CAMK4: variants seen among roughly 807,000 people sequenced by gnomAD.
CAMK4 encodes the protein calcium/calmodulin-dependent protein kinase type IV.
Under a neutral mutation model 44.9 loss-of-function variants are expected in CAMK4, and 22 were observed. The observed-to-expected ratio is 0.49, with a 90% CI of 0.35 to 0.70. The LOEUF (loss-of-function observed/expected upper bound fraction) is 0.70. Among genes scored for constraint, CAMK4 ranks in the 30% least tolerant of loss-of-function variants. The probability of loss-of-function intolerance (pLI) is 0.01; values close to 1 mark genes in which losing one functional copy is unlikely to be tolerated. For missense variants in CAMK4, 498 were observed against 586.8 expected, an observed-to-expected ratio of 0.85 and a Z score of 1.56; for synonymous variants, 218 against 215.4, an observed-to-expected ratio of 1.01 and a Z score of -0.11.
intron 1 of CAMK4, among the ~76,000 whole-genome samples, chr5:111,236,525 T>C (rs369145457): frequency 1.1e-4 from 17 of 152,362 alleles, no homozygotes; most frequent in African/African-American, 3.6e-4. Context: ...ATTCAAGCCC[T>C]GGTTTGTCAG....
intron 4 of CAMK4, among the ~76,000 whole-genome samples, chr5:111,381,361 A>G (rs1181580515): frequency 6.6e-6 from 1 of 152,154 alleles, no homozygotes; most frequent in African/African-American, 2.4e-5. Flanking sequence ...TCAAACCTCA[A>G]AAGTAGGGAA....
At chr5:111,413,291 G>T (rs1752693393) in intron 5 of CAMK4, among the ~76,000 whole-genome samples, 2 of 152,104 alleles carry the variant, frequency 1.3e-5, no homozygotes. Context: ...AAATTATTAT[G>T]GAGCTGCCCG....
intron 5 of CAMK4, among the ~76,000 whole-genome samples, chr5:111,400,133 G>T (rs898935581): frequency 1.3e-5 from 2 of 150,852 alleles, no homozygotes; most frequent in African/African-American, 2.4e-5. Context: ...TTGAGGGTTT[G>T]TTTTTTTTTG....
intron 5 of CAMK4, among the ~76,000 whole-genome samples, chr5:111,428,840 A>G (rs770068733): frequency 4.6e-5 from 7 of 152,362 alleles, no homozygotes; most frequent in Non-Finnish European, 7.3e-5. Context: ...TCAATATCCA[A>G]GTACAAGGAG....
chr5:111,273,704 T>TAC (rs1750626220), intron 1 of CAMK4, among the ~76,000 whole-genome samples: 1 of 53,360 alleles, frequency 1.9e-5, no homozygotes, highest in Non-Finnish European at 3.1e-5. Flanking sequence ...TATATATATA[T>TAC]ATATATATAT....
intron 5 of CAMK4, among the ~76,000 whole-genome samples, chr5:111,397,712 A>G (rs941009380): frequency 6.9e-6 from 1 of 145,182 alleles, no homozygotes; most frequent in African/African-American, 2.6e-5. Flanking sequence ...ACCCACCTGG[A>G]TTCATGTACT....
At chr5:111,317,970 A>T (rs1245245583) in intron 1 of CAMK4, among the ~76,000 whole-genome samples, 1 of 149,214 alleles carries the variant, frequency 6.7e-6, no homozygotes, top group Non-Finnish European at 1.5e-5. Flanking sequence ...GGACTGTATA[A>T]AGTTAGGTTG....
intron 5 of CAMK4, among the ~76,000 whole-genome samples, chr5:111,405,055 T>C (rs1164125610): frequency 6.6e-6 from 1 of 152,104 alleles, no homozygotes; most frequent in Non-Finnish European, 1.5e-5. Flanking sequence ...GGCTACAAGA[T>C]GGTAAAAGTG....
chr5:111,240,711 G>T (rs1400080578), intron 1 of CAMK4, among the ~76,000 whole-genome samples: 2 of 152,164 alleles, frequency 1.3e-5, no homozygotes, highest in African/African-American at 4.8e-5. Flanking sequence ...ATTCTGGAAG[G>T]CCTCTCGGTA....
chr5:111,255,879 A>G (rs1749720157), intron 1 of CAMK4, among the ~76,000 whole-genome samples: 1 of 152,220 alleles, frequency 6.6e-6, no homozygotes, highest in Non-Finnish European at 1.5e-5. Flanking sequence ...ATATGTGAGT[A>G]ATGGGTTGAA....
At chr5:111,289,570 T>C (rs1015282533) in intron 1 of CAMK4, among the ~76,000 whole-genome samples, 1 of 152,222 alleles carries the variant, frequency 6.6e-6, no homozygotes, top group African/African-American at 2.4e-5. Context: ...CAAGGCTGTA[T>C]TTGATATTCA....
rs545786281 is a variant in CAMK4 at position 111,280,342 on chromosome 5, C to T, written c.161+55698C>T. 8.5e-5 allele frequency among the ~76,000 whole-genome samples: 13 copies of T among 152,288 alleles called. No individual in the cohort carries two copies. The East Asian group carries it at 2.3e-3, about 27-fold the overall frequency. ...CCGAAGGCACTGGACAAACATTGTG[C>T]TGTAGAAGGCAGACAAAAATGCAAT... On this transcript the variant is annotated intron_variant, in intron 1 of 10. Coordinates refer to ENST00000282356, the MANE Select transcript of CAMK4 (RefSeq NM_001744.6).
chr5:111,228,843 G>T (rs1748327590), intron 1 of CAMK4, among the ~76,000 whole-genome samples: 1 of 152,120 alleles, frequency 6.6e-6, no homozygotes, highest in Admixed American at 6.6e-5. Flanking sequence ...AGAGAAAAAG[G>T]CTCCTATCTT....
At chr5:111,269,180 C>G (rs1450760995) in intron 1 of CAMK4, among the ~76,000 whole-genome samples, 1 of 152,118 alleles carries the variant, frequency 6.6e-6, no homozygotes, top group Non-Finnish European at 1.5e-5. Context: ...ATGGAGGTAC[C>G]TACTGTTCTG....
rs139657992 is a variant in CAMK4 at position 111,284,535 on chromosome 5, C to T, written c.162-59489C>T. Among the ~76,000 whole-genome samples the T allele has an allele frequency of 3.9e-3, 601 of 152,280 alleles. 7 individuals carry two copies. The highest frequency in any genetic ancestry group is 0.013 in the African/African-American group (560 of 41,544). On this transcript the variant is annotated intron_variant, in intron 1 of 10. Coordinates refer to ENST00000282356, the MANE Select transcript of CAMK4 (RefSeq NM_001744.6). ...ACACAGATAGAAGCCTTGTCTGGCT[C>T]TGGGCGGATCACCAGCCTCAGATAG...
intron 7 of CAMK4, among the ~76,000 whole-genome samples, chr5:111,455,048 A>C (rs1182613493): frequency 6.6e-6 from 1 of 152,230 alleles, no homozygotes; most frequent in Admixed American, 6.5e-5. Flanking sequence ...GGCATAACTC[A>C]GAGGAAGTAT....
intron 2 of CAMK4, 60 bp downstream of exon 2, chr5:111,344,162 A>C (rs761592684): frequency 6.9e-6 from 7 of 1,021,450 alleles, no homozygotes; most frequent in Non-Finnish European, 1.1e-5. Context: ...AGAAGGCAGG[A>C]ACCTGATTTG....
chr5:111,343,853 T>A (rs895351784), intron 1 of CAMK4, among the ~76,000 whole-genome samples, 171 bp from the exon 2 acceptor site: 1 of 39,472 alleles, frequency 2.5e-5, no homozygotes, highest in Non-Finnish European at 5.9e-5. Flanking sequence ...CTGTGTTCAA[T>A]TGTGATAAAA....
At chr5:111,424,668 C>T (rs913731068) in intron 5 of CAMK4, among the ~76,000 whole-genome samples, 2 of 151,626 alleles carry the variant, frequency 1.3e-5, no homozygotes, top group African/African-American at 4.8e-5. Context: ...AGGATGGTCT[C>T]GATCTCCTGA....
Sources: gnomAD v4.1 joint callset for allele counts (sites outside exome capture counted in the v4.1 genomes callset) on GRCh38, gnomAD v4.1.1 for gene constraint, MANE v1.5 for transcripts, NCBI Gene and HGNC (gene_info 2026-07-23, HGNC 2026-07-21) for gene names.